MYO18B: variants seen among roughly 807,000 people sequenced by gnomAD.
MYO18B encodes myosin XVIIIB.
A neutral mutation model predicts 273.0 loss-of-function variants in MYO18B; 204 were observed. The observed-to-expected ratio is 0.75, with a 90% CI of 0.67 to 0.84. The LOEUF is 0.84. MYO18B is among the 40% of genes least tolerant of loss of function. The pLI, the probability that MYO18B is intolerant of heterozygous loss-of-function variation, is 0.00. For synonymous variants in MYO18B, 1,330 were observed against 1,305.7 expected (o/e 1.02, Z -0.40); for missense variants, 3,212 against 3,287.6 (o/e 0.98, Z 0.56).
chr22:26,003,754 A>T (rs1823575681), intron 41 of MYO18B, among the ~76,000 whole-genome samples: 1 of 152,142 alleles, frequency 6.6e-6, no homozygotes, highest in South Asian at 2.1e-4. Context: ...ACCTTCAAAG[A>T]AGATGTAGCT....
intron 34 of MYO18B, among the ~76,000 whole-genome samples, chr22:25,928,773 T>G (rs564445435): frequency 4.7e-4 from 72 of 152,226 alleles, no homozygotes; most frequent in Middle Eastern, 6.8e-3. Context: ...CTTTCTTGCC[T>G]AATAAGGGGG....
intron 10 of MYO18B, among the ~76,000 whole-genome samples, chr22:25,783,169 A>G (rs1222212624): frequency 6.6e-6 from 1 of 152,190 alleles, no homozygotes; most frequent in East Asian, 1.9e-4. Flanking sequence ...CTGCCTTGAT[A>G]CCCCTGACAG....
intron 10 of MYO18B, among the ~76,000 whole-genome samples, chr22:25,782,450 G>A (rs2145669882): frequency 6.6e-6 from 1 of 152,348 alleles, no homozygotes; most frequent in South Asian, 2.1e-4. Flanking sequence ...AGTCAGGCAA[G>A]CCTCATCTTG....
intron 25 of MYO18B, among the ~76,000 whole-genome samples, chr22:25,885,489 A>G (rs1328913685): frequency 6.6e-6 from 1 of 152,188 alleles, no homozygotes; most frequent in East Asian, 1.9e-4. Flanking sequence ...GGGCACAGCA[A>G]GAGCAGAGGC....
intron 26 of MYO18B, 28 bp downstream of exon 26, chr22:25,890,903 G>A: frequency 6.2e-7 from 1 of 1,608,576 alleles, no homozygotes; most frequent in South Asian, 1.1e-5. Context: ...GCCAGGGGTG[G>A]CTGAACACGG....
At chr22:25,912,711 G>T (rs939663854) in intron 33 of MYO18B, among the ~76,000 whole-genome samples, 1 of 152,118 alleles carries the variant, frequency 6.6e-6, no homozygotes, top group Non-Finnish European at 1.5e-5. Flanking sequence ...GAAACAAAAC[G>T]TTTTAAGAAC....
intron 40 of MYO18B, among the ~76,000 whole-genome samples, chr22:25,996,133 T>C (rs572100670): frequency 2.0e-5 from 3 of 152,378 alleles, no homozygotes; most frequent in South Asian, 2.1e-4. Flanking sequence ...TAATGGTTAA[T>C]TTCTGCGTGA....
At chr22:25,955,001 G>A (rs1015985014) in intron 38 of MYO18B, among the ~76,000 whole-genome samples, 178 bp from the exon 39 acceptor site, 26 of 152,134 alleles carry the variant, frequency 1.7e-4, no homozygotes, top group African/African-American at 4.6e-4. Context: ...TGAGCACTGC[G>A]CCCGACCATC....
chr22:25,997,732 G>A (rs546181893), intron 40 of MYO18B, among the ~76,000 whole-genome samples: 4 of 152,124 alleles, frequency 2.6e-5, no homozygotes, highest in East Asian at 1.9e-4. Context: ...TAAATCCACC[G>A]TCCATAGCAG....
intron 39 of MYO18B, among the ~76,000 whole-genome samples, chr22:25,985,484 G>A (rs1050385081): frequency 9.9e-5 from 15 of 152,142 alleles, no homozygotes; most frequent in Non-Finnish European, 2.1e-4. Context: ...ATTCCTGCTG[G>A]AGACTGGGCA....
chr22:25,853,277 A>G (rs1032611157), intron 21 of MYO18B, among the ~76,000 whole-genome samples: 4 of 152,218 alleles, frequency 2.6e-5, no homozygotes, highest in African/African-American at 9.6e-5. Context: ...GCAGTCCTCA[A>G]TGAATGAGTC....
intron 32 of MYO18B, among the ~76,000 whole-genome samples, chr22:25,909,957 A>T (rs2092123640): frequency 6.6e-6 from 1 of 152,184 alleles, no homozygotes; most frequent in Non-Finnish European, 1.5e-5. Flanking sequence ...CCACCCGTGA[A>T]ATAGGATCTC....
the MYO18B span, among the ~76,000 whole-genome samples, chr22:26,042,773 A>G: frequency 6.6e-6 from 1 of 152,206 alleles, no homozygotes; most frequent in African/African-American, 2.4e-5. Context: ...TTGAGTACCT[A>G]TTATGTGCTA....
rs545585702 is a variant in MYO18B at position 25,781,651 on chromosome 22, A to G, written c.2212-83A>G. ...GAGTGGATCAGAGTGGGGCACCCCA[A>G]TGGGGCTTCTGGGTAGCTGCACTTC... On this transcript the variant is annotated intron_variant, in intron 9 of 43. Transcript: ENST00000335473. 296 of 760,476 alleles carry G rather than the reference A, an allele frequency of 3.9e-4. No homozygotes were observed. In the African/African-American group the frequency reaches 4.6e-3, roughly 12 times the overall value. The allele number at this position is 760,476 out of a possible 1,614,324, so 47.1% of individuals were successfully genotyped here.
chr22:25,922,096 GC>G (rs1214235757), intron 34 of MYO18B, among the ~76,000 whole-genome samples: 4 of 152,104 alleles, frequency 2.6e-5, no homozygotes, highest in Non-Finnish European at 5.9e-5. Context: ...TCTCAGGATT[GC>G]TGAGTGAGGT....
intron 34 of MYO18B, among the ~76,000 whole-genome samples, chr22:25,935,637 G>A (rs2092567818): frequency 6.6e-6 from 1 of 152,064 alleles, no homozygotes; most frequent in African/African-American, 2.4e-5. Flanking sequence ...GGGGGTACTT[G>A]GTTATAATTG....
At chr22:25,764,217 A>G (rs1368174867) in intron 3 of MYO18B, among the ~76,000 whole-genome samples, 2 of 152,224 alleles carry the variant, frequency 1.3e-5, no homozygotes, top group Non-Finnish European at 2.9e-5. Context: ...GTTGAATGCA[A>G]TGTGGCCCTT....
At chr22:25,771,919 T>C (rs1443225017) in intron 6 of MYO18B, among the ~76,000 whole-genome samples, 3 of 152,216 alleles carry the variant, frequency 2.0e-5, no homozygotes, top group African/African-American at 7.2e-5. Flanking sequence ...CTCCTGGGTA[T>C]CATGGAGCAT....
intron 34 of MYO18B, among the ~76,000 whole-genome samples, chr22:25,923,778 C>A (rs2092382217): frequency 6.6e-6 from 1 of 152,214 alleles, no homozygotes; most frequent in Non-Finnish European, 1.5e-5. Context: ...CATTTTCCAT[C>A]AAAATGTCCC....
Sources: gnomAD v4.1 joint callset for allele counts (sites outside exome capture counted in the v4.1 genomes callset) on GRCh38, gnomAD v4.1.1 for gene constraint, MANE v1.5 for transcripts, NCBI Gene and HGNC (gene_info 2026-07-23, HGNC 2026-07-21) for gene names.